RIMS1: variants seen among roughly 807,000 people sequenced by gnomAD.
RIMS1 encodes the protein regulating synaptic membrane exocytosis protein 1.
RIMS1 carries 83 observed loss-of-function variants against 214.1 expected under a neutral mutation model. The observed-to-expected ratio is 0.39, with a 90% CI of 0.32 to 0.47. The LOEUF (loss-of-function observed/expected upper bound fraction) is 0.47, where lower values mean the gene tolerates loss of function less well. RIMS1 is among the 20% of genes least tolerant of loss of function. The pLI, the probability that RIMS1 is intolerant of heterozygous loss-of-function variation, is 0.99. For synonymous variants in RIMS1, 793 were observed against 786.8 expected, an observed-to-expected ratio of 1.01 and a Z score of -0.13; for missense variants, 2,050 against 2,161.8, an observed-to-expected ratio of 0.95 and a Z score of 1.03.
intron 2 of RIMS1, among the ~76,000 whole-genome samples, chr6:71,978,191 C>T (rs1189156381): frequency 1.3e-5 from 2 of 152,056 alleles, no homozygotes; most frequent in Non-Finnish European, 2.9e-5. Context: ...TCTTTGAATG[C>T]GGAATGCATA....
In RIMS1 at chr6:72,011,225, A is replaced by G. The variant is rs546233270; in HGVS notation, c.245+42162A>G. Among the ~76,000 whole-genome samples, 647 of 152,188 alleles carry G rather than the reference A, an allele frequency of 4.3e-3. 5 individuals carry two copies. The highest frequency in any genetic ancestry group is 0.013 in the African/African-American group (548 of 41,542). On this transcript the variant is annotated intron_variant, in intron 2 of 33. Transcript: ENST00000521978. ...ACAAACCTGACAAAAACAAGAAATGAAGAAAGGATTCCCTATTTAATAAAT... is the reference window on the plus strand; with the variant it reads ...ACAAACCTGACAAAAACAAGAAATGGAGAAAGGATTCCCTATTTAATAAAT...
At chr6:72,077,298 T>A (rs538347925) in intron 2 of RIMS1, among the ~76,000 whole-genome samples, 7 of 152,376 alleles carry the variant, frequency 4.6e-5, no homozygotes, top group African/African-American at 9.6e-5. Context: ...CTCCATGTTC[T>A]TTTGTTAATC....
At chr6:72,294,353 T>A (rs1296826855) in intron 26 of RIMS1, among the ~76,000 whole-genome samples, 1 of 151,772 alleles carries the variant, frequency 6.6e-6, no homozygotes, top group Non-Finnish European at 1.5e-5. Flanking sequence ...CCATCTCCCA[T>A]GAAGATTAAT....
At chr6:72,050,105 C>T (rs920565034) in intron 2 of RIMS1, among the ~76,000 whole-genome samples, 1 of 152,238 alleles carries the variant, frequency 6.6e-6, no homozygotes, top group Admixed American at 6.5e-5. Flanking sequence ...CACATACACA[C>T]ACACCCCACC....
chr6:72,217,336 TTTA>T (rs2056581630), intron 6 of RIMS1: 2 of 1,157,750 alleles, frequency 1.7e-6, no homozygotes, highest in East Asian at 5.3e-5. Context: ...AAATGTTTCA[TTTA>T]GATTCTATCA....
chr6:72,303,364 T>G (rs1050621489), intron 26 of RIMS1, among the ~76,000 whole-genome samples: 6 of 150,944 alleles, frequency 4.0e-5, no homozygotes, highest in African/African-American at 1.4e-4. Context: ...TTTTAGTTTC[T>G]TCATAGATTT....
intron 1 of RIMS1, among the ~76,000 whole-genome samples, chr6:71,932,833 T>G (rs1038932012): frequency 6.6e-5 from 10 of 152,034 alleles, no homozygotes; most frequent in Non-Finnish European, 1.2e-4. Context: ...AGAAACTTCA[T>G]AAAAGTGACA....
At position 72,162,408 on chromosome 6, in the gene RIMS1, G is replaced by A. The variant is rs556609775; in HGVS notation, c.472-17167G>A. Among the ~76,000 whole-genome samples, 140 of 140,838 alleles carry A rather than the reference G, an allele frequency of 9.9e-4. 13 individuals carry two copies. The highest frequency in any genetic ancestry group is 3.6e-3 in the Middle Eastern group (1 of 280). 92.4% of individuals were successfully genotyped at this position (140,838 alleles called of 152,430 possible). ...TGACATTTAAGGTTAATATTGTTAT[G>A]TATGAATTTGATCCTGTCATTATGA... On this transcript the variant is annotated intron_variant, in intron 4 of 33. Coordinates refer to ENST00000521978, the MANE Select transcript of RIMS1 (RefSeq NM_014989.7).
chr6:72,384,373 C>G (rs1005524230), intron 29 of RIMS1, among the ~76,000 whole-genome samples: 1 of 152,120 alleles, frequency 6.6e-6, no homozygotes, highest in Non-Finnish European at 1.5e-5. Context: ...TTTCAGGCAC[C>G]TAATCTTACT....
chr6:72,281,831 T>A (rs965115679), intron 23 of RIMS1, among the ~76,000 whole-genome samples: 1 of 152,084 alleles, frequency 6.6e-6, no homozygotes, highest in East Asian at 1.9e-4. Flanking sequence ...CTTACCCTGG[T>A]TTACTTTTGT....
At chr6:72,310,838 T>C (rs191773583) in intron 27 of RIMS1, among the ~76,000 whole-genome samples, 5 of 152,252 alleles carry the variant, frequency 3.3e-5, no homozygotes, top group African/African-American at 1.2e-4. Flanking sequence ...CTTCAAATAA[T>C]CAATGTGAAT....
At chr6:72,254,376 A>G (rs2074865731) in intron 16 of RIMS1, among the ~76,000 whole-genome samples, 1 of 152,176 alleles carries the variant, frequency 6.6e-6, no homozygotes, top group South Asian at 2.1e-4. Context: ...TCTCAACAGA[A>G]AGGTTCACAC....
chr6:71,915,247 A>C (rs1039506344), intron 1 of RIMS1, among the ~76,000 whole-genome samples: 2 of 151,954 alleles, frequency 1.3e-5, no homozygotes, highest in Admixed American at 6.6e-5. Context: ...TTTATTTTCC[A>C]TATATTACTT....
At chr6:72,290,146 A>G (rs1478755453) in intron 24 of RIMS1, among the ~76,000 whole-genome samples, 3 of 152,206 alleles carry the variant, frequency 2.0e-5, no homozygotes, top group Non-Finnish European at 4.4e-5. Flanking sequence ...TACTTAGATT[A>G]ACCTCAAAAG....
chr6:72,321,555 C>G (rs1208769860), intron 28 of RIMS1, among the ~76,000 whole-genome samples: 1 of 152,054 alleles, frequency 6.6e-6, no homozygotes, highest in Admixed American at 6.6e-5. Flanking sequence ...CCATTATCCA[C>G]CCAGTTCCCA....
intron 32 of RIMS1, among the ~76,000 whole-genome samples, chr6:72,398,746 C>A (rs1253375523): frequency 6.6e-6 from 1 of 151,996 alleles, no homozygotes; most frequent in East Asian, 1.9e-4. Context: ...ACTTTGTATA[C>A]ATTGAGTCAA....
intron 2 of RIMS1, among the ~76,000 whole-genome samples, chr6:72,031,013 G>A (rs1247351587): frequency 6.6e-6 from 1 of 152,040 alleles, no homozygotes; most frequent in South Asian, 2.1e-4. Context: ...AAGGCTTTGA[G>A]GTCTTCTTGT....
At chr6:72,082,626 A>C (rs577486548) in intron 2 of RIMS1, among the ~76,000 whole-genome samples, 3 of 152,316 alleles carry the variant, frequency 2.0e-5, no homozygotes, top group African/African-American at 4.8e-5. Flanking sequence ...ATGCTTGTGC[A>C]CTCACTTCTT....
chr6:72,152,813 A>G (rs1176194855), intron 4 of RIMS1, among the ~76,000 whole-genome samples: 1 of 71,660 alleles, frequency 1.4e-5, no homozygotes, highest in Non-Finnish European at 2.4e-5. Context: ...ATATATGTAT[A>G]TATATGGAAT....
Sources: allele counts gnomAD v4.1 joint callset (sites outside exome capture counted in the v4.1 genomes callset), GRCh38; gene constraint gnomAD v4.1.1; transcripts MANE v1.5; gene names NCBI Gene and HGNC (gene_info 2026-07-23, HGNC 2026-07-21).